Variants in PDE4D observed in about 807,000 individuals in gnomAD.
The protein encoded by PDE4D is phosphodiesterase 4D.
A neutral mutation model predicts 87.4 loss-of-function variants in PDE4D; 24 were observed. That is an observed-to-expected ratio of 0.27 (90% confidence interval 0.20 to 0.39). The LOEUF (loss-of-function observed/expected upper bound fraction) is 0.39. Among genes scored for constraint, PDE4D ranks in the 10% least tolerant of loss-of-function variants. PDE4D has a pLI of 1.00. For missense variants in PDE4D, 714 were observed against 1,041.0 expected, an observed-to-expected ratio of 0.69 and a Z score of 4.32; for synonymous variants, 384 against 383.2, an observed-to-expected ratio of 1.00 and a Z score of -0.02.
At chr5:59,814,927 G>A (rs1768805108) in intron 1 of PDE4D, among the ~76,000 whole-genome samples, 2 of 152,212 alleles carry the variant, frequency 1.3e-5, no homozygotes, top group Non-Finnish European at 2.9e-5. Flanking sequence ...TAATTTACAT[G>A]AGAAGGGACC....
chr5:60,037,703 A>T (rs1259049405), intron 2 of PDE4D, among the ~76,000 whole-genome samples: 1 of 152,222 alleles, frequency 6.6e-6, no homozygotes, highest in African/African-American at 2.4e-5. Flanking sequence ...CAGGTAGCAC[A>T]TCTGAAAGTC....
intron 2 of PDE4D, among the ~76,000 whole-genome samples, chr5:60,052,080 G>C (rs750395697): frequency 3.9e-5 from 6 of 152,158 alleles, no homozygotes; most frequent in Non-Finnish European, 5.9e-5. Context: ...CCCAGGACCA[G>C]ACAGATTCAC....
chr5:59,395,095 C>T (rs1417582616), intron 1 of PDE4D, among the ~76,000 whole-genome samples: 1 of 152,072 alleles, frequency 6.6e-6, no homozygotes, highest in African/African-American at 2.4e-5. Flanking sequence ...CACGGAGTCT[C>T]GCTGATTGCT....
rs115008066 is a variant in PDE4D at position 60,265,768 on chromosome 5, C to A, written c.-89-80081G>T. On this transcript the variant is annotated intron_variant, in intron 1 of 16. Coordinates refer to the PDE4D transcript ENST00000502484. ...ACCTGCCATTAACACCTTGCTCCTT[C>A]AAAAAATGCTGTACTTGCTCTGAGA... is the stretch of plus-strand genomic sequence containing the variant. Among the ~76,000 whole-genome samples the A allele has an allele frequency of 5.9e-3, 897 of 152,256 alleles. 7 individuals carry two copies. The highest frequency in any genetic ancestry group is 0.021 in the African/African-American group (858 of 41,550).
chr5:59,672,297 G>C (rs1002085854), intron 1 of PDE4D, among the ~76,000 whole-genome samples: 6 of 152,136 alleles, frequency 3.9e-5, no homozygotes, highest in Non-Finnish European at 8.8e-5. Flanking sequence ...GAAACCATTA[G>C]GGCTCAGAGA....
At chr5:58,989,450 G>C (rs1747342727) in intron 10 of PDE4D, among the ~76,000 whole-genome samples, 1 of 151,764 alleles carries the variant, frequency 6.6e-6, no homozygotes, top group Non-Finnish European at 1.5e-5. Context: ...CGTCAGACTA[G>C]ATTTCAAGAA....
intron 6 of PDE4D, among the ~76,000 whole-genome samples, chr5:59,032,228 GAAT>G (rs547461068): frequency 2.0e-4 from 31 of 152,044 alleles, no homozygotes; most frequent in South Asian, 1.5e-3. Flanking sequence ...TGTCAATTAA[GAAT>G]AATTGACAAA....
intron 1 of PDE4D, among the ~76,000 whole-genome samples, chr5:60,257,747 G>T (rs758171060): frequency 1.9e-4 from 29 of 151,932 alleles, no homozygotes; most frequent in Non-Finnish European, 3.7e-4. Context: ...CCTCAACTCT[G>T]TGAAGTGTCT....
chr5:59,290,779 A>T (rs568193967), intron 1 of PDE4D, among the ~76,000 whole-genome samples: 1 of 152,144 alleles, frequency 6.6e-6, no homozygotes, highest in Non-Finnish European at 1.5e-5. Flanking sequence ...ACATCTGAAC[A>T]CACATTTCTC....
intron 1 of PDE4D, among the ~76,000 whole-genome samples, chr5:60,474,384 T>TCA (rs1033663747): frequency 1.3e-5 from 2 of 151,376 alleles, no homozygotes; most frequent in African/African-American, 4.9e-5. Context: ...CACAACCTAA[T>TCA]CACCTCCCAA....
chr5:59,906,987 T>C (rs1380723833), intron 3 of PDE4D, among the ~76,000 whole-genome samples: 1 of 152,156 alleles, frequency 6.6e-6, no homozygotes, highest in Non-Finnish European at 1.5e-5. Flanking sequence ...CCTAAATGCC[T>C]GTCAATGACA....
chr5:59,507,569 G>A (rs1809487172), intron 1 of PDE4D, among the ~76,000 whole-genome samples: 1 of 150,652 alleles, frequency 6.6e-6, no homozygotes, highest in South Asian at 2.1e-4. Flanking sequence ...GGAGGCTGAG[G>A]CAGGAGGACT....
intron 1 of PDE4D, among the ~76,000 whole-genome samples, chr5:59,403,456 T>C (rs1469092009): frequency 6.6e-6 from 1 of 152,112 alleles, no homozygotes; most frequent in Non-Finnish European, 1.5e-5. Flanking sequence ...CTTCCTCCCA[T>C]CCACTACACC....
intron 1 of PDE4D, among the ~76,000 whole-genome samples, chr5:59,625,657 T>C (rs970915241): frequency 1.3e-5 from 2 of 152,214 alleles, no homozygotes; most frequent in Non-Finnish European, 2.9e-5. Flanking sequence ...CTCTGAAACA[T>C]AAATTTCTCA....
intron 3 of PDE4D, among the ~76,000 whole-genome samples, chr5:59,921,431 T>G (rs1302228435): frequency 6.6e-6 from 1 of 152,122 alleles, no homozygotes. Flanking sequence ...AGAAATGGGA[T>G]AGATATGAGT....
intron 1 of PDE4D, among the ~76,000 whole-genome samples, chr5:59,266,023 A>G (rs1762801179): frequency 6.6e-6 from 1 of 152,112 alleles, no homozygotes; most frequent in Non-Finnish European, 1.5e-5. Flanking sequence ...AAATTATAAT[A>G]GAACTGCTTT....
At chr5:59,115,985 C>A (rs1195767395) in intron 5 of PDE4D, among the ~76,000 whole-genome samples, 1 of 152,110 alleles carries the variant, frequency 6.6e-6, no homozygotes, top group African/African-American at 2.4e-5. Flanking sequence ...AATCTTCTGG[C>A]AGATTTATAA....
At chr5:59,155,055 G>A (rs1376809408) in intron 5 of PDE4D, among the ~76,000 whole-genome samples, 1 of 152,178 alleles carries the variant, frequency 6.6e-6, no homozygotes, top group Non-Finnish European at 1.5e-5. Context: ...GGATATCAAT[G>A]GACATTGGGC....
rs375364826 is a variant in PDE4D, at chr5:59,430,755, T to G, written c.456-214787A>C. Among the ~76,000 whole-genome samples, 6 of 152,266 alleles carry G rather than the reference T, an allele frequency of 3.9e-5. No homozygotes were observed. The East Asian group carries it at 9.7e-4, about 25-fold the overall frequency. The stretch of plus-strand genomic sequence containing the variant: ...CCAAATCTCTGAGTAGGCAGCAAGG[T>G]TTTATCCATTTTTGTCTAACGTTGA... On this transcript the variant is annotated intron_variant, in intron 1 of 14. Transcript: ENST00000340635.
Sources: allele counts gnomAD v4.1 joint callset (sites outside exome capture counted in the v4.1 genomes callset), GRCh38; gene constraint gnomAD v4.1.1; transcripts MANE v1.5; gene names NCBI Gene and HGNC (gene_info 2026-07-23, HGNC 2026-07-21).